The following TAMM41 variants were observed in gnomAD, a reference collection of about 807,000 sequenced individuals.
The protein encoded by TAMM41 is phosphatidate cytidylyltransferase, mitochondrial.
In TAMM41, 36 loss-of-function variants were observed where a neutral mutation model predicts 44.1. The ratio of observed to expected loss-of-function variants is 0.82; its 90% CI spans 0.63 to 1.08. The LOEUF (loss-of-function observed/expected upper bound fraction) is 1.08, where lower values mean the gene tolerates loss of function less well. TAMM41 is among the 50% of genes least tolerant of loss of function. TAMM41 has a pLI of 0.00. For missense variants in TAMM41, 417 were observed against 404.3 expected (o/e 1.03, Z -0.27); for synonymous variants, 164 against 153.1 (o/e 1.07, Z -0.53).
the TAMM41 span, among the ~76,000 whole-genome samples, chr3:11,768,266 A>G: frequency 2.6e-5 from 4 of 151,782 alleles, no homozygotes; most frequent in Non-Finnish European, 5.9e-5. Context: ...TCTCCTGAGT[A>G]GCTGGGACTA....
At chr3:11,813,848 GTGTGTGTGTA>G (rs910725498) in intron 5 of TAMM41, among the ~76,000 whole-genome samples, 5 of 150,240 alleles carry the variant, frequency 3.3e-5, no homozygotes, top group African/African-American at 1.2e-4. Flanking sequence ...GTGTGTGTGT[GTGTGTGTGTA>G]TGTATGTATA....
At chr3:11,844,454 C>T (rs993493917) in intron 1 of TAMM41, among the ~76,000 whole-genome samples, 2 of 152,200 alleles carry the variant, frequency 1.3e-5, no homozygotes, top group African/African-American at 4.8e-5. Flanking sequence ...TTATGGGTAA[C>T]ATACGCAGTC....
chr3:11,735,215 A>C, the TAMM41 span, among the ~76,000 whole-genome samples: 5 of 152,112 alleles, frequency 3.3e-5, no homozygotes, highest in African/African-American at 1.2e-4. Context: ...ATAATCAGCC[A>C]GGCATGGTGG....
At chr3:11,804,096 G>A (rs960075730) in intron 7 of TAMM41, among the ~76,000 whole-genome samples, 4 of 152,128 alleles carry the variant, frequency 2.6e-5, no homozygotes, top group African/African-American at 7.2e-5. Context: ...AAGTGAAGGG[G>A]AAGCAAGCAG....
chr3:11,829,740 A>G lies in TAMM41; in HGVS notation c.536T>C (p.Ile179Thr), dbSNP rs751669118. Residue 179 changes from isoleucine (I) to threonine (T), a missense_variant, in exon 4 of 8, where the codon ATA becomes ACA. By Grantham distance (89) the Ile-to-Thr change is moderately conservative (BLOSUM62 -1). Transcript: ENST00000455809. ...TGAATAGGAGAGACCGGCAATCTCT[A>G]TGAAGAGGTCTTCTTCAGAAAAGCT... Reference protein sequence around the residue: ...PESFSEEDLFIEIAGLSYSGD... With the variant: ...PESFSEEDLFTEIAGLSYSGD... The G allele has an allele frequency of 8.9e-5, 144 of 1,614,066 alleles. No homozygotes were observed. Among genetic ancestry groups the G allele is most frequent in the Non-Finnish European group, 1.2e-4 (138 of 1,180,030 alleles).
the TAMM41 span, among the ~76,000 whole-genome samples, chr3:11,779,091 ACT>A: frequency 6.6e-6 from 1 of 151,652 alleles, no homozygotes; most frequent in South Asian, 2.1e-4. Flanking sequence ...GTGAGTTCTC[ACT>A]CTGTTAGTTC....
chr3:11,747,867 CTATT>C, the TAMM41 span, among the ~76,000 whole-genome samples: 133 of 75,106 alleles, frequency 1.8e-3, 2 homozygotes, highest in African/African-American at 6.1e-3. Flanking sequence ...TCAATATTTA[CTATT>C]TATTTATTTA....
At chr3:11,805,030 G>A (rs1354886452) in intron 7 of TAMM41, among the ~76,000 whole-genome samples, 20 of 101,870 alleles carry the variant, frequency 2.0e-4, no homozygotes, top group Non-Finnish European at 2.9e-4. Context: ...TTTTTGAGAC[G>A]AAGTCTCACT....
intron 5 of TAMM41, among the ~76,000 whole-genome samples, chr3:11,816,655 A>G (rs1042074842): frequency 1.3e-5 from 2 of 152,064 alleles, no homozygotes; most frequent in Non-Finnish European, 2.9e-5. Context: ...AGTCCCAGCT[A>G]CTCAGGAGGC....
chr3:11,759,065 C>T, the TAMM41 span, among the ~76,000 whole-genome samples: 1 of 152,066 alleles, frequency 6.6e-6, no homozygotes, highest in Non-Finnish European at 1.5e-5. Flanking sequence ...TTTAATCTCC[C>T]CAAATCCCAT....
At chr3:11,764,483 A>ATTTTTTTTTTTTTTTT in the TAMM41 span, among the ~76,000 whole-genome samples, 3 of 86,330 alleles carry the variant, frequency 3.5e-5, no homozygotes, top group Admixed American at 1.1e-4. Flanking sequence ...CCATAATCTT[A>ATTTTTTTTTTTTTTTT]TTCTTTTTTT....
At chr3:11,829,920 C>T in intron 3 of TAMM41, 56 bp from the exon 4 acceptor site, 1 of 1,551,966 alleles carries the variant, frequency 6.4e-7, no homozygotes, top group Non-Finnish European at 8.9e-7. Flanking sequence ...ATTGCTCAAG[C>T]ATGGGTTACA....
At chr3:11,752,448 G>C in the TAMM41 span, among the ~76,000 whole-genome samples, 1 of 151,804 alleles carries the variant, frequency 6.6e-6, no homozygotes, top group Non-Finnish European at 1.5e-5. Context: ...ATGCTGATTG[G>C]TCCATTTTAC....
chr3:11,801,575 C>T (rs1361678884), intron 7 of TAMM41, among the ~76,000 whole-genome samples: 2 of 152,098 alleles, frequency 1.3e-5, no homozygotes, highest in Non-Finnish European at 2.9e-5. Context: ...ATCCACCCAC[C>T]TCAGACTCCC....
the TAMM41 span, among the ~76,000 whole-genome samples, chr3:11,755,176 A>G: frequency 0.018 from 2,715 of 152,198 alleles, 64 homozygotes; most frequent in African/African-American, 0.06. Flanking sequence ...CCTGGATAAC[A>G]AAGGGTGGAC....
chr3:11,816,898 T>C (rs1359072484), intron 5 of TAMM41, among the ~76,000 whole-genome samples: 1 of 152,252 alleles, frequency 6.6e-6, no homozygotes, highest in African/African-American at 2.4e-5. Flanking sequence ...CTTGTTTTGA[T>C]TGGTAATTGA....
At chr3:11,744,866 G>C in the TAMM41 span, among the ~76,000 whole-genome samples, 1 of 101,444 alleles carries the variant, frequency 9.9e-6, no homozygotes, top group East Asian at 2.7e-4. Context: ...ATCTCTACAG[G>C]TAATTTTTTT....
Position 11,846,491 on chromosome 3 carries a change from C to G in TAMM41, c.135+11G>C. ...CAGACAGTTCCCCGTCGTGGGGCTG[C>G]CCGGGCTCACCTTCTGGTCTGAACT... is the stretch of plus-strand genomic sequence containing the variant. On this transcript the variant is annotated intron_variant, in intron 1 of 7. Transcript: ENST00000455809. The G allele has an allele frequency of 6.2e-7, 1 of 1,614,092 alleles. No individual in the cohort carries two copies. Among genetic ancestry groups the G allele is most frequent in the Non-Finnish European group, 8.5e-7 (1 of 1,179,978 alleles).
chr3:11,807,445 T>C (rs1333495441), intron 7 of TAMM41: 1 of 1,527,906 alleles, frequency 6.5e-7, no homozygotes, highest in African/African-American at 1.4e-5. Context: ...ACAACAAAAA[T>C]AACCCACTAA....
Sources: gnomAD v4.1 joint callset for allele counts (sites outside exome capture counted in the v4.1 genomes callset) on GRCh38, gnomAD v4.1.1 for gene constraint, MANE v1.5 for transcripts, NCBI Gene and HGNC (gene_info 2026-07-23, HGNC 2026-07-21) for gene names.